CSE1L: variants seen among roughly 807,000 people sequenced by gnomAD.
The protein encoded by CSE1L is chromosome segregation 1 like.
In CSE1L, 24 loss-of-function variants were observed where a neutral mutation model predicts 120.4. The observed-to-expected ratio is 0.20, with a 90% confidence interval of 0.14 to 0.28. The LOEUF (loss-of-function observed/expected upper bound fraction) is 0.28. Ranked by LOEUF, CSE1L falls within the 10% of genes least tolerant of loss-of-function variation. The pLI is 1.00. For synonymous variants in CSE1L, 402 were observed against 398.3 expected, an observed-to-expected ratio of 1.01 and a Z score of -0.11; for missense variants, 830 against 1,145.2, an observed-to-expected ratio of 0.72 and a Z score of 3.97.
chr20:49,096,361 G>T lies in CSE1L; in HGVS notation c.2839G>T (p.Val947Leu), dbSNP rs1201411847. 6.2e-7 allele frequency: 1 copy of T among 1,613,916 alleles called. No individual in the cohort carries two copies. Among genetic ancestry groups the T allele is most frequent in the South Asian group, 1.1e-5 (1 of 91,062 alleles). ...TACPGRVPSM[V>L]STSLNAEALQ... ...CCATCTCTTGTAGGTTCCATCAATG[G>T]TGAGCACCAGCCTGAATGCAGAAGC... is the stretch of plus-strand genomic sequence containing the variant. Residue 947 changes from valine to leucine, a missense_variant, in exon 25 of 25, where the codon GTG becomes TTG. By Grantham distance (32) the Val-to-Leu change is conservative. Around this residue, in one of 4 missense-constraint regions of CSE1L, gnomAD observed 112 missense variants for 200.0 expected, o/e 0.56. Coordinates refer to ENST00000262982, the MANE Select transcript of CSE1L (RefSeq NM_001316.4).
rs115716975 is a variant in CSE1L, at chr20:49,075,650, A to G, written c.1335+130A>G. On this transcript the variant is annotated intron_variant, in intron 12 of 24. Transcript: ENST00000262982. ...AACCTATTCTGATTAAGATTTATAT[A>G]ATCTCTGAAGATGGCTTTATGTTGA... The G allele has an allele frequency of 1.8e-3, 1,351 of 762,368 alleles. 17 individuals are homozygous for G. In the African/African-American group the frequency reaches 0.021, roughly 12 times the overall value. The allele number at this position is 762,368 out of a possible 1,614,324, so 47.2% of individuals were successfully genotyped here. A position where few individuals can be genotyped will look rare whatever the true frequency, so the allele number is the denominator to read the frequency against.
At position 49,091,066 on chromosome 20, in the gene CSE1L, G is replaced by A. The variant is rs755249891; in HGVS notation, c.2365+44G>A. On this transcript the variant is annotated intron_variant, in intron 21 of 24. Coordinates refer to ENST00000262982, the MANE Select transcript of CSE1L (RefSeq NM_001316.4). The stretch of plus-strand genomic sequence containing the variant: ...ATGTTCTACAGAAGTAATGAAAGAA[G>A]GTAGCTAAAACCCTTAGACTTTATG... 21 of 1,286,666 alleles carry A rather than the reference G, an allele frequency of 1.6e-5. 1 individual carries two copies. Among genetic ancestry groups the A allele is most frequent in the Non-Finnish European group, 2.2e-5 (20 of 893,126 alleles). The allele number at this position is 1,286,666 out of a possible 1,614,324, so 79.7% of individuals were successfully genotyped here.
chr20:49,094,723 C>T lies in CSE1L; in HGVS notation c.2595-9C>T, dbSNP rs554255526. On this transcript the variant is annotated splice_polypyrimidine_tract_variant and intron_variant, in intron 23 of 24. Coordinates refer to ENST00000262982, the MANE Select transcript of CSE1L (RefSeq NM_001316.4). The stretch of plus-strand genomic sequence containing the variant: ...TGACCTTTTTATCTCTTGCTTTCTT[C>T]CAATCCAGGACTCCATTATTACAGT... 7.6e-5 allele frequency: 120 copies of T among 1,588,284 alleles called. No homozygotes were observed. Among genetic ancestry groups the T allele is most frequent in the Non-Finnish European group, 9.7e-5 (112 of 1,157,202 alleles).
intron 16 of CSE1L, among the ~76,000 whole-genome samples, chr20:49,086,959 C>T (rs1202926013): frequency 6.6e-6 from 1 of 152,036 alleles, no homozygotes; most frequent in Non-Finnish European, 1.5e-5. Flanking sequence ...TCTTTGACTC[C>T]AGTAGAGGAG....
In CSE1L at chr20:49,075,476, A is replaced by G. The variant is rs1288484857; in HGVS notation, c.1291A>G (p.Ile431Val). 1.2e-6 allele frequency: 2 copies of G among 1,614,176 alleles called. No homozygotes were observed. Among genetic ancestry groups the G allele is most frequent in the Admixed American group, 1.7e-5 (1 of 60,022 alleles). The change falls in exon 12 of 25, where the codon ATC (isoleucine) becomes GTC (valine). Residue 431 changes from isoleucine to valine, a missense_variant. Ile to Val is a conservative substitution (Grantham distance 29, BLOSUM62 3). Transcript: ENST00000262982. ...SVNWKHKDAA[I>V]YLVTSLASKA... The stretch of plus-strand genomic sequence containing the variant: ...CAACTGGAAACACAAAGATGCAGCC[A>G]TCTACCTAGTGACATCTTTGGCATC...
chr20:49,082,049 G>A (rs964892638), intron 14 of CSE1L, among the ~76,000 whole-genome samples: 12 of 151,868 alleles, frequency 7.9e-5, no homozygotes, highest in East Asian at 1.9e-4. Flanking sequence ...CTTTCACTAC[G>A]CATTTATGTT....
chr20:49,072,255 A>G (rs372507510), intron 8 of CSE1L, 31 bp from the exon 9 acceptor site: 3 of 1,609,284 alleles, frequency 1.9e-6, no homozygotes, highest in African/African-American at 2.7e-5. Context: ...TTAGAGTTGT[A>G]TGTTGGAGTT....
chr20:49,065,885 C>T (rs1027873221), intron 3 of CSE1L, among the ~76,000 whole-genome samples: 27 of 152,054 alleles, frequency 1.8e-4, no homozygotes, highest in African/African-American at 6.0e-4. Context: ...TGAGCCACTG[C>T]GCCCAGTCTA....
intron 1 of CSE1L, among the ~76,000 whole-genome samples, chr20:49,050,761 G>A (rs1411934661): frequency 3.3e-5 from 5 of 151,894 alleles, no homozygotes; most frequent in African/African-American, 9.7e-5. Flanking sequence ...TCTCACTATT[G>A]TTGCCAAGTC....
chr20:49,090,610 G>GAAATTAATTAA, intron 19 of CSE1L, 132 bp from the exon 20 acceptor site: 1 of 702,994 alleles, frequency 1.4e-6, no homozygotes, highest in Non-Finnish European at 2.4e-6. Context: ...TTCCCCATAT[G>GAAATTAATTAA]TTTCAGAAAT....
chr20:49,063,064 AGAAAAGT>A, intron 2 of CSE1L, 131 bp from the exon 3 acceptor site: 1 of 336,540 alleles, frequency 3.0e-6, no homozygotes, highest in Non-Finnish European at 5.1e-6. Context: ...TTAATAGATA[AGAAAAGT>A]GAGGCCCTGT....
chr20:49,074,518 A>G (rs2091956278), intron 10 of CSE1L, among the ~76,000 whole-genome samples: 2 of 152,176 alleles, frequency 1.3e-5, no homozygotes, highest in Admixed American at 6.5e-5. Context: ...CATTTTTGAC[A>G]GTTGCAGGTA....
intron 1 of CSE1L, among the ~76,000 whole-genome samples, chr20:49,056,762 G>C (rs1600588668): frequency 6.6e-6 from 1 of 151,356 alleles, no homozygotes; most frequent in Non-Finnish European, 1.5e-5. Context: ...GGACAAAATT[G>C]TATATATTTG....
At position 49,072,570 on chromosome 20, in the gene CSE1L, G is replaced by A. The variant is rs1252080790; in HGVS notation, c.939G>A (p.Leu313=). Residue 313 remains leucine (L), a splice_region_variant and synonymous_variant, in exon 10 of 25, where the codon TTG becomes TTA. Coordinates refer to ENST00000262982, the MANE Select transcript of CSE1L (RefSeq NM_001316.4). ...CTTGTTTTTGTGTTTTGTTCCAGTTGGTAAGTAATGCAATTCAATTTCTGG... is the reference window on the plus strand; with the variant it reads ...CTTGTTTTTGTGTTTTGTTCCAGTTAGTAAGTAATGCAATTCAATTTCTGG... The part of the protein sequence containing the change: ...TTGQEVKYDL[L]VSNAIQFLAS... The A allele has an allele frequency of 1.9e-6, 3 of 1,608,542 alleles. No homozygotes were observed. The highest frequency in any genetic ancestry group is 2.2e-5 in the South Asian group (2 of 89,866).
chr20:49,057,956 A>T (rs564445408), intron 1 of CSE1L, among the ~76,000 whole-genome samples: 53 of 151,988 alleles, frequency 3.5e-4, no homozygotes, highest in South Asian at 8.3e-4. Flanking sequence ...GTTTTGGTAG[A>T]GATGGGGTCT....
At chr20:49,061,758 C>G (rs928245263) in intron 2 of CSE1L, among the ~76,000 whole-genome samples, 1 of 152,046 alleles carries the variant, frequency 6.6e-6, no homozygotes, top group Non-Finnish European at 1.5e-5. Context: ...TCGTCTCGGC[C>G]TCCCATAGTG....
chr20:49,046,804 T>A lies in CSE1L; in HGVS notation c.-12+381T>A, dbSNP rs186200704. The stretch of plus-strand genomic sequence containing the variant: ...CCGCTCCTTATTGGTCGCGCTCGCA[T>A]GTCCATTCTCTGCGACGGTGGCTGC... On this transcript the variant is annotated intron_variant, in intron 1 of 24. Transcript: ENST00000262982. 1.7e-3 allele frequency among the ~76,000 whole-genome samples: 254 copies of A among 152,360 alleles called. 1 individual carries two copies. Among genetic ancestry groups the A allele is most frequent in the African/African-American group, 5.9e-3 (246 of 41,592 alleles).
intron 7 of CSE1L, among the ~76,000 whole-genome samples, 176 bp from the exon 8 acceptor site, chr20:49,070,029 A>G (rs780523021): frequency 1.4e-4 from 21 of 152,376 alleles, no homozygotes; most frequent in Non-Finnish European, 2.2e-4. Context: ...GGCAGAAGTC[A>G]GAATGCTTTA....
rs774214734 is a variant in CSE1L, at chr20:49,090,823, A to G, written c.2263A>G (p.Ile755Val). Residue 755 changes from isoleucine (I) to valine (V), a missense_variant, in exon 20 of 25, where the codon ATA (isoleucine) becomes GTA (valine). Transcript: ENST00000262982. ...AGGTTTTTATCTTCTAAACAGTATA[A>G]TAGAGCACATGCCTCCGTGAGTATG... ...HQGFYLLNSI[I>V]EHMPPESVDQ... The G allele has an allele frequency of 6.2e-7, 1 of 1,613,836 alleles. No individual in the cohort carries two copies. Among genetic ancestry groups the G allele is most frequent in the Non-Finnish European group, 8.5e-7 (1 of 1,179,832 alleles).
Sources: gnomAD v4.1 joint callset for allele counts (sites outside exome capture counted in the v4.1 genomes callset) on GRCh38, gnomAD v4.1.1 for gene constraint, gnomAD v4.1.1 regional missense constraint, MANE v1.5 for transcripts, NCBI Gene and HGNC (gene_info 2026-07-23, HGNC 2026-07-21) for gene names.